The following SH3BGRL2 variants were observed in gnomAD, a reference collection of about 807,000 sequenced individuals.
SH3BGRL2 encodes SH3 domain-binding glutamic acid-rich-like protein 2.
A neutral mutation model predicts 14.8 loss-of-function variants in SH3BGRL2; 21 were observed. The observed-to-expected ratio is 1.42, with a 90% CI of 1.01 to 2.05. The LOEUF (loss-of-function observed/expected upper bound fraction) is 2.05. Ranked by LOEUF, SH3BGRL2 falls within the 30% of genes most tolerant of loss-of-function variation. SH3BGRL2 has a pLI of 0.00. For synonymous variants in SH3BGRL2, 50 were observed against 47.8 expected, an observed-to-expected ratio of 1.05 and a Z score of -0.19; for missense variants, 147 against 130.8, an observed-to-expected ratio of 1.12 and a Z score of -0.61.
chr6:79,557,084 A>G, the SH3BGRL2 span, among the ~76,000 whole-genome samples: 3 of 151,898 alleles, frequency 2.0e-5, no homozygotes, highest in Non-Finnish European at 2.9e-5. Context: ...ACGTGAAAAA[A>G]CATACAAGAT....
the SH3BGRL2 span, among the ~76,000 whole-genome samples, chr6:79,596,071 G>A: frequency 1.3e-5 from 2 of 152,236 alleles, no homozygotes; most frequent in South Asian, 2.1e-4. Context: ...ATTTAAAATA[G>A]CATCAGAAGA....
chr6:79,549,563 A>G, the SH3BGRL2 span, among the ~76,000 whole-genome samples: 1 of 152,240 alleles, frequency 6.6e-6, no homozygotes, highest in South Asian at 2.1e-4. Context: ...AGTATTCAGT[A>G]TAGTAACATG....
chr6:79,611,965 ATGGCAAGTC>A, the SH3BGRL2 span, among the ~76,000 whole-genome samples: 4 of 152,164 alleles, frequency 2.6e-5, no homozygotes, highest in African/African-American at 9.7e-5. Flanking sequence ...ACCAGCTATA[ATGGCAAGTC>A]TGTGATGTTA....
At chr6:79,615,361 G>T in the SH3BGRL2 span, among the ~76,000 whole-genome samples, 8 of 152,160 alleles carry the variant, frequency 5.3e-5, no homozygotes, top group Non-Finnish European at 1.0e-4. Flanking sequence ...CAAAAGTTCA[G>T]CTGGACCATT....
chr6:79,550,874 G>T, the SH3BGRL2 span, among the ~76,000 whole-genome samples: 9 of 152,068 alleles, frequency 5.9e-5, no homozygotes, highest in Non-Finnish European at 1.3e-4. Context: ...CTTCAGTCTC[G>T]TAATCATGGT....
intron 2 of SH3BGRL2, 119 bp from the exon 3 acceptor site, chr6:79,696,366 C>A: frequency 1.5e-6 from 1 of 665,086 alleles, no homozygotes; most frequent in Non-Finnish European, 2.5e-6. Flanking sequence ...TAGCTTTTCC[C>A]TGATCTGGAC....
At chr6:79,604,767 A>G in the SH3BGRL2 span, among the ~76,000 whole-genome samples, 4 of 152,192 alleles carry the variant, frequency 2.6e-5, no homozygotes, top group African/African-American at 9.7e-5. Context: ...CTGAGCACAC[A>G]CAGAAACATG....
chr6:79,542,375 C>A, the SH3BGRL2 span, among the ~76,000 whole-genome samples: 1 of 151,894 alleles, frequency 6.6e-6, no homozygotes, highest in African/African-American at 2.4e-5. Context: ...TGGGTTCAAG[C>A]AATTCTGCCT....
Position 79,699,630 on chromosome 6 carries a change from C to A in SH3BGRL2, c.*121C>A, listed in dbSNP as rs1370619244. The A allele has an allele frequency of 1.5e-6, 2 of 1,310,990 alleles. No homozygotes were observed. The highest frequency in any genetic ancestry group is 2.5e-5 in the East Asian group (1 of 40,426). 81.2% of individuals were successfully genotyped at this position (1,310,990 alleles called of 1,614,324 possible). A position where few individuals can be genotyped will look rare whatever the true frequency, so the allele number is the denominator to read the frequency against. On this transcript the variant is annotated 3_prime_UTR_variant, in exon 4 of 4. Coordinates refer to ENST00000369838, the MANE Select transcript of SH3BGRL2 (RefSeq NM_031469.4). ...CACGCATTATCAGTAACTTTGCTTG[C>A]CACGGAAAAGGTGTTTTTGAAAGAT...
the SH3BGRL2 span, among the ~76,000 whole-genome samples, chr6:79,621,693 A>G: frequency 6.6e-6 from 1 of 152,302 alleles, no homozygotes; most frequent in East Asian, 1.9e-4. Flanking sequence ...GAACCCCAGT[A>G]GTTTCAGTCC....
chr6:79,565,920 C>A, the SH3BGRL2 span, among the ~76,000 whole-genome samples: 1 of 152,220 alleles, frequency 6.6e-6, no homozygotes, highest in Non-Finnish European at 1.5e-5. Context: ...TTCCTTCTAT[C>A]CAGCTGATTA....
the SH3BGRL2 span, among the ~76,000 whole-genome samples, chr6:79,625,217 C>T: frequency 1.5e-4 from 21 of 142,354 alleles, no homozygotes; most frequent in African/African-American, 5.7e-4. Context: ...CATATATATA[C>T]ACACACATAT....
At chr6:79,690,538 C>T (rs940290951) in intron 2 of SH3BGRL2, among the ~76,000 whole-genome samples, 5 of 152,146 alleles carry the variant, frequency 3.3e-5, no homozygotes, top group Admixed American at 1.3e-4. Flanking sequence ...CTGGATTCTC[C>T]TTTATTTTGT....
chr6:79,673,838 T>A, intron 2 of SH3BGRL2, 39 bp downstream of exon 2: 2 of 1,585,172 alleles, frequency 1.3e-6, no homozygotes, highest in Non-Finnish European at 1.7e-6. Flanking sequence ...TTCTTTTTAT[T>A]GTTCAGAACA....
chr6:79,562,864 A>G, the SH3BGRL2 span, among the ~76,000 whole-genome samples: 4 of 152,360 alleles, frequency 2.6e-5, no homozygotes, highest in South Asian at 4.1e-4. Context: ...GAAAGTTTAC[A>G]AATTTGTGCT....
intron 1 of SH3BGRL2, among the ~76,000 whole-genome samples, chr6:79,652,074 A>G (rs1423728270): frequency 1.3e-5 from 2 of 152,206 alleles, no homozygotes; most frequent in Non-Finnish European, 2.9e-5. Flanking sequence ...ATCACCTCCA[A>G]TTAAGAACAA....
chr6:79,590,455 A>ATATATATATATATATATATATATATATG, the SH3BGRL2 span, among the ~76,000 whole-genome samples: 2 of 116,156 alleles, frequency 1.7e-5, no homozygotes, highest in Admixed American at 1.0e-4. Flanking sequence ...ATATATATAT[A>ATATATATATATATATATATATATATATG]TATATATATG....
the SH3BGRL2 span, among the ~76,000 whole-genome samples, chr6:79,545,933 AT>A: frequency 1.3e-5 from 2 of 152,074 alleles, no homozygotes; most frequent in Non-Finnish European, 2.9e-5. Flanking sequence ...AAATGTTTCC[AT>A]TTTCTCAATT....
the SH3BGRL2 span, among the ~76,000 whole-genome samples, chr6:79,585,101 A>G: frequency 6.6e-6 from 1 of 151,940 alleles, no homozygotes; most frequent in African/African-American, 2.4e-5. Flanking sequence ...AAAACACATT[A>G]TATAAAGGGC....
Sources: allele counts gnomAD v4.1 joint callset (sites outside exome capture counted in the v4.1 genomes callset), GRCh38; gene constraint gnomAD v4.1.1; transcripts MANE v1.5; gene names NCBI Gene and HGNC (gene_info 2026-07-23, HGNC 2026-07-21).